Variants in KCNQ5 observed in about 807,000 individuals in gnomAD.
KCNQ5 encodes potassium voltage-gated channel subfamily Q member 5, also known as potassium voltage-gated channel subfamily KQT member 5.
KCNQ5 carries 30 observed loss-of-function variants against 98.2 expected under a neutral mutation model. That is an observed-to-expected ratio of 0.31 (90% CI 0.23 to 0.41). The LOEUF (loss-of-function observed/expected upper bound fraction) is 0.41, where lower values mean the gene tolerates loss of function less well. KCNQ5 is among the 10% of genes least tolerant of loss of function. The pLI is 1.00. For synonymous variants in KCNQ5, 458 were observed against 449.4 expected, an observed-to-expected ratio of 1.02 and a Z score of -0.24; for missense variants, 835 against 1,182.5, an observed-to-expected ratio of 0.71 and a Z score of 4.31.
rs114222867 is a variant in KCNQ5 at position 72,876,211 on chromosome 6, A to G, written c.399-127697A>G. Reference sequence around the variant, plus strand: ...GTAAATTTACAAATTTAAAACCAGTAATTTCGTGGATAAATTAATATATCA... The same window carrying G: ...GTAAATTTACAAATTTAAAACCAGTGATTTCGTGGATAAATTAATATATCA... On this transcript the variant is annotated intron_variant, in intron 1 of 13. Transcript: ENST00000370398. Among the ~76,000 whole-genome samples, 1,268 of 152,240 alleles carry G rather than the reference A, an allele frequency of 8.3e-3. 14 individuals are homozygous for G. Among genetic ancestry groups the G allele is most frequent in the African/African-American group, 0.027 (1,122 of 41,568 alleles).
At chr6:72,789,324 T>C (rs1398880327) in intron 1 of KCNQ5, among the ~76,000 whole-genome samples, 1 of 152,148 alleles carries the variant, frequency 6.6e-6, no homozygotes, top group Non-Finnish European at 1.5e-5. Context: ...ACCTGGCTAA[T>C]CCACCCTCTA....
intron 1 of KCNQ5, among the ~76,000 whole-genome samples, chr6:72,926,083 T>C (rs182205235): frequency 3.4e-4 from 52 of 152,242 alleles, no homozygotes; most frequent in African/African-American, 1.2e-3. Flanking sequence ...GGATCCAGAA[T>C]TGTTCTCCTC....
At chr6:72,979,361 T>G (rs780477759) in intron 1 of KCNQ5, among the ~76,000 whole-genome samples, 7 of 152,162 alleles carry the variant, frequency 4.6e-5, no homozygotes, top group African/African-American at 7.2e-5. Context: ...TTTAATGATC[T>G]CCATTCTAAC....
At position 72,986,144 on chromosome 6, in the gene KCNQ5, C is replaced by T. The variant is rs368879580; in HGVS notation, c.399-17764C>T. 1.0e-3 allele frequency among the ~76,000 whole-genome samples: 153 copies of T among 152,246 alleles called. 2 individuals carry two copies. The South Asian group carries it at 0.026, about 25-fold the overall frequency. On this transcript the variant is annotated intron_variant, in intron 1 of 13. Coordinates refer to ENST00000370398, the MANE Select transcript of KCNQ5 (RefSeq NM_019842.4). ...ACTCGGGAGGCTGAGACAGGAGAAT[C>T]GCTTGAACCCAGCAGGCAGAAGTTG...
chr6:72,723,743 C>A (rs1171756761), intron 1 of KCNQ5, among the ~76,000 whole-genome samples: 1 of 151,266 alleles, frequency 6.6e-6, no homozygotes, highest in Non-Finnish European at 1.5e-5. Flanking sequence ...AGCAATTTTT[C>A]AAAATTTTTC....
intron 1 of KCNQ5, among the ~76,000 whole-genome samples, chr6:72,761,190 A>C (rs1462989690): frequency 6.6e-6 from 1 of 152,152 alleles, no homozygotes; most frequent in Admixed American, 6.6e-5. Flanking sequence ...AAGAGCTAAG[A>C]ATGATGAACT....
At chr6:73,150,085 T>C (rs1012276792) in intron 10 of KCNQ5, among the ~76,000 whole-genome samples, 2 of 150,594 alleles carry the variant, frequency 1.3e-5, no homozygotes, top group East Asian at 3.9e-4. Context: ...CATATAAACA[T>C]GGCAAACAAG....
At chr6:73,131,498 G>T (rs1209765917) in intron 9 of KCNQ5, among the ~76,000 whole-genome samples, 1 of 151,942 alleles carries the variant, frequency 6.6e-6, no homozygotes, top group African/African-American at 2.4e-5. Flanking sequence ...CTGAATAAAG[G>T]TGCAGAAGTG....
At chr6:72,659,442 A>T (rs1766393777) in intron 1 of KCNQ5, among the ~76,000 whole-genome samples, 1 of 152,228 alleles carries the variant, frequency 6.6e-6, no homozygotes, top group Admixed American at 6.5e-5. Context: ...GTCATAACAA[A>T]ATACCATAGA....
At chr6:72,755,763 C>A (rs1771933413) in intron 1 of KCNQ5, among the ~76,000 whole-genome samples, 2 of 152,288 alleles carry the variant, frequency 1.3e-5, no homozygotes, top group African/African-American at 4.8e-5. Flanking sequence ...TTAAAAATAT[C>A]CTTTATATGT....
chr6:72,966,680 G>A (rs1335556262), intron 1 of KCNQ5, among the ~76,000 whole-genome samples: 1 of 152,216 alleles, frequency 6.6e-6, no homozygotes, highest in Non-Finnish European at 1.5e-5. Flanking sequence ...TTAACTTTCA[G>A]TATGGAAACA....
At chr6:73,039,546 T>A (rs1453372112) in intron 2 of KCNQ5, among the ~76,000 whole-genome samples, 2 of 152,212 alleles carry the variant, frequency 1.3e-5, no homozygotes, top group African/African-American at 2.4e-5. Flanking sequence ...TTCAATTTTT[T>A]AAAAATTTTT....
intron 1 of KCNQ5, among the ~76,000 whole-genome samples, chr6:72,960,448 G>A (rs1582091988): frequency 1.3e-5 from 2 of 151,722 alleles, no homozygotes; most frequent in East Asian, 3.9e-4. Context: ...TTTATTTTTT[G>A]AGATGGAGTC....
chr6:73,194,609 A>T lies in KCNQ5; in HGVS notation c.1994A>T (p.Asp665Val). 6.2e-7 allele frequency: 1 copy of T among 1,614,188 alleles called. No individual in the cohort carries two copies. Among genetic ancestry groups the T allele is most frequent in the Non-Finnish European group, 8.5e-7 (1 of 1,180,026 alleles). Residue 665 changes from aspartate to valine, a missense_variant, in exon 14 of 14, where the codon GAT becomes GTT. By Grantham distance (152) the Asp-to-Val change is radical. Around this residue, in one of 10 missense-constraint regions of KCNQ5, gnomAD observed 416 missense variants for 446.9 expected, o/e 0.93. Coordinates refer to ENST00000370398, the MANE Select transcript of KCNQ5 (RefSeq NM_019842.4). ...TATCAAAGCCCTGTGGATAGCAAAG[A>T]TCTTTCGGGTTCCGCACAAAACAGT... is the stretch of plus-strand genomic sequence containing the variant. ...SDYQSPVDSK[D>V]LSGSAQNSGC...
intron 10 of KCNQ5, among the ~76,000 whole-genome samples, chr6:73,151,671 T>C (rs1777155043): frequency 6.6e-6 from 1 of 152,222 alleles, no homozygotes; most frequent in Non-Finnish European, 1.5e-5. Flanking sequence ...ATTGTGACTT[T>C]TCTTTGAGAA....
intron 3 of KCNQ5, among the ~76,000 whole-genome samples, chr6:73,074,489 A>G (rs1053927130): frequency 6.6e-5 from 10 of 152,228 alleles, no homozygotes; most frequent in South Asian, 6.2e-4. Flanking sequence ...TGGAACTTCA[A>G]ACATTTAGAT....
At chr6:73,094,157 T>C (rs1005469353) in intron 5 of KCNQ5, among the ~76,000 whole-genome samples, 1 of 152,202 alleles carries the variant, frequency 6.6e-6, no homozygotes, top group African/African-American at 2.4e-5. Flanking sequence ...CATTATATAA[T>C]GCCCTCTTTG....
chr6:73,091,430 C>A (rs1202715201), intron 5 of KCNQ5, among the ~76,000 whole-genome samples: 5 of 151,860 alleles, frequency 3.3e-5, no homozygotes, highest in Admixed American at 6.6e-5. Flanking sequence ...AGGTAACAAA[C>A]CTGCACTTTG....
chr6:72,685,813 G>A (rs930360104), intron 1 of KCNQ5, among the ~76,000 whole-genome samples: 2 of 152,166 alleles, frequency 1.3e-5, no homozygotes, highest in African/African-American at 4.8e-5. Flanking sequence ...TAACTTCCTA[G>A]AAATGTATCT....
Sources: gnomAD v4.1 joint callset for allele counts (sites outside exome capture counted in the v4.1 genomes callset) on GRCh38, gnomAD v4.1.1 for gene constraint, gnomAD v4.1.1 regional missense constraint, MANE v1.5 for transcripts, NCBI Gene and HGNC (gene_info 2026-07-23, HGNC 2026-07-21) for gene names.